COL24A1: variants seen among roughly 807,000 people sequenced by gnomAD.
The protein encoded by COL24A1 is collagen type XXIV alpha 1 chain.
In COL24A1, 224 loss-of-function variants were observed where a neutral mutation model predicts 253.9. That is an observed-to-expected ratio of 0.88 (90% CI 0.79 to 0.99). The LOEUF (loss-of-function observed/expected upper bound fraction) is 0.99, where lower values mean the gene tolerates loss of function less well. COL24A1 is among the 50% of genes least tolerant of loss of function. The probability of loss-of-function intolerance (pLI) is 0.00; values close to 1 mark genes in which losing one functional copy is unlikely to be tolerated. For synonymous variants in COL24A1, 685 were observed against 673.7 expected (o/e 1.02, Z -0.26); for missense variants, 2,131 against 2,068.5 (o/e 1.03, Z -0.59).
chr1:85,778,534 A>G (rs1180270009), intron 52 of COL24A1, among the ~76,000 whole-genome samples: 1 of 152,062 alleles, frequency 6.6e-6, no homozygotes, highest in Non-Finnish European at 1.5e-5. Flanking sequence ...AAGTATTCAA[A>G]TATACTTTCT....
chr1:85,744,840 A>G lies in COL24A1; in HGVS notation c.4504-6T>C. The G allele has an allele frequency of 3.7e-6, 6 of 1,605,074 alleles. No individual in the cohort carries two copies. The highest frequency in any genetic ancestry group is 5.1e-6 in the Non-Finnish European group (6 of 1,176,596). ...ACTTCAGTATTCTGGTAGCTCTGCCAAGTCATCATAAGAATTATATAAGCA... is the reference window on the plus strand; with the variant it reads ...ACTTCAGTATTCTGGTAGCTCTGCCGAGTCATCATAAGAATTATATAAGCA... On this transcript the variant is annotated splice_region_variant and splice_polypyrimidine_tract_variant and intron_variant, in intron 56 of 59. Coordinates refer to ENST00000370571, the MANE Select transcript of COL24A1 (RefSeq NM_152890.7).
In COL24A1 at chr1:85,936,755, C is replaced by A. The variant is rs1255598898; in HGVS notation, c.2562+24494G>T. ...TGGTGGAAAAATAAGTTATGCAAAG[C>A]CTATGTTAAGCCTTGATGGGAAGAT... On this transcript the variant is annotated intron_variant, in intron 24 of 59. Coordinates refer to ENST00000370571, the MANE Select transcript of COL24A1 (RefSeq NM_152890.7). 1.4e-5 allele frequency among the ~76,000 whole-genome samples: 2 copies of A among 146,882 alleles called. 1 individual carries two copies. Among genetic ancestry groups the A allele is most frequent in the East Asian group, 4.3e-4 (2 of 4,660 alleles).
In COL24A1 at chr1:85,975,871, GAGA is replaced by G. The variant is rs1205226630; in HGVS notation, c.2365-4481_2365-4479del. ...GGGACCCTGAAAACCCAGATTACAG[GAGA>G]AGGATTTAACCTTACCTAGAGCTGA... On this transcript the variant is annotated intron_variant, in intron 20 of 59. Coordinates refer to ENST00000370571, the MANE Select transcript of COL24A1 (RefSeq NM_152890.7). Among the ~76,000 whole-genome samples the G allele has an allele frequency of 4.6e-5, 7 of 152,282 alleles. No individual in the cohort carries two copies. In the East Asian group the frequency reaches 1.2e-3, roughly 25 times the overall value.
chr1:85,860,695 C>T (rs573776519), intron 37 of COL24A1, among the ~76,000 whole-genome samples: 27 of 152,244 alleles, frequency 1.8e-4, no homozygotes, highest in African/African-American at 6.3e-4. Context: ...GAGCCAAGAT[C>T]GTGCCACTGC....
chr1:85,900,774 C>T (rs1571145530), intron 28 of COL24A1, among the ~76,000 whole-genome samples: 1 of 152,180 alleles, frequency 6.6e-6, no homozygotes, highest in Non-Finnish European at 1.5e-5. Flanking sequence ...TTATAGCCAG[C>T]TGATTTTTGA....
Position 86,125,225 on chromosome 1 carries a change from G to C in COL24A1, c.1111C>G (p.Leu371Val). The change falls in exon 3 of 60, where the codon CTA becomes GTA. Residue 371 changes from leucine (L) to valine (V), a missense_variant. Leu to Val is a conservative substitution (Grantham distance 32). Coordinates refer to ENST00000370571, the MANE Select transcript of COL24A1 (RefSeq NM_152890.7). ...MNTKEKFSSL[L>V]NMSDNITQHD... ...TGTGTGATATTGTCAGACATGTTTA[G>C]GAGAGAGCTAAATTTCTCTTTGGTA... 1 of 1,613,498 alleles carries C rather than the reference G, an allele frequency of 6.2e-7. No individual in the cohort carries two copies. The highest frequency in any genetic ancestry group is 8.5e-7 in the Non-Finnish European group (1 of 1,179,742).
intron 22 of COL24A1, among the ~76,000 whole-genome samples, chr1:85,968,437 AC>A (rs1395566967): frequency 6.6e-6 from 1 of 152,214 alleles, no homozygotes; most frequent in Non-Finnish European, 1.5e-5. Context: ...TTAGCCACTT[AC>A]AACTATATTT....
chr1:86,052,226 A>T (rs997698090), intron 10 of COL24A1, among the ~76,000 whole-genome samples: 3 of 152,138 alleles, frequency 2.0e-5, no homozygotes, highest in Admixed American at 2.0e-4. Context: ...CAGAGTAAAT[A>T]CTTCCATAAT....
chr1:86,148,980 T>C (rs1251315574), intron 1 of COL24A1, among the ~76,000 whole-genome samples: 1 of 152,110 alleles, frequency 6.6e-6, no homozygotes, highest in Non-Finnish European at 1.5e-5. Flanking sequence ...TGTAAAAGTG[T>C]TCCTATTTCT....
At chr1:85,941,420 T>G (rs537905987) in intron 24 of COL24A1, among the ~76,000 whole-genome samples, 1 of 152,234 alleles carries the variant, frequency 6.6e-6, no homozygotes, top group East Asian at 1.9e-4. Context: ...GAATTCCAGC[T>G]TAGATCTTCA....
At chr1:86,011,553 C>T (rs928564482) in intron 19 of COL24A1, among the ~76,000 whole-genome samples, 4 of 152,214 alleles carry the variant, frequency 2.6e-5, no homozygotes, top group Admixed American at 2.0e-4. Flanking sequence ...CACATTCACC[C>T]TGTACTGCAA....
intron 31 of COL24A1, 88 bp from the exon 32 acceptor site, chr1:85,889,701 T>G: frequency 1.3e-5 from 14 of 1,103,798 alleles, no homozygotes; most frequent in Non-Finnish European, 1.8e-5. Context: ...CTATGGATCC[T>G]TCCACCCAAC....
intron 25 of COL24A1, among the ~76,000 whole-genome samples, chr1:85,911,160 T>C (rs1685323630): frequency 6.6e-6 from 1 of 152,022 alleles, no homozygotes; most frequent in Non-Finnish European, 1.5e-5. Context: ...ATCTTTTCTC[T>C]TCAGATCACA....
chr1:86,039,059 G>A (rs754552167), intron 12 of COL24A1, among the ~76,000 whole-genome samples: 12 of 152,130 alleles, frequency 7.9e-5, no homozygotes, highest in Non-Finnish European at 1.6e-4. Flanking sequence ...AAGAGTGACT[G>A]TCTAGGATTA....
intron 7 of COL24A1, among the ~76,000 whole-genome samples, chr1:86,066,040 G>C (rs1701451319): frequency 6.6e-6 from 1 of 152,024 alleles, no homozygotes; most frequent in Non-Finnish European, 1.5e-5. Context: ...AAGTAGATAA[G>C]CACTGGTAGA....
intron 3 of COL24A1, among the ~76,000 whole-genome samples, chr1:86,123,183 G>C (rs1322113409): frequency 6.6e-6 from 1 of 151,792 alleles, no homozygotes. Context: ...ATAAATGATA[G>C]CTATTATGCT....
intron 52 of COL24A1, among the ~76,000 whole-genome samples, chr1:85,780,535 C>G (rs1156301489): frequency 3.9e-5 from 6 of 152,074 alleles, no homozygotes; most frequent in Admixed American, 3.9e-4. Context: ...CCAGACACAG[C>G]TTGAATGGAG....
At chr1:85,829,340 C>G (rs1299062982) in intron 43 of COL24A1, among the ~76,000 whole-genome samples, 1 of 150,304 alleles carries the variant, frequency 6.7e-6, no homozygotes, top group Non-Finnish European at 1.5e-5. Flanking sequence ...ACCTTTCTCT[C>G]TGGCTGCCCT....
chr1:85,895,222 GA>G (rs1490666332), intron 31 of COL24A1, among the ~76,000 whole-genome samples: 3 of 151,664 alleles, frequency 2.0e-5, no homozygotes, highest in Admixed American at 6.6e-5. Flanking sequence ...GCCTCTCAGG[GA>G]AAAAAATGTA....
Sources: allele counts gnomAD v4.1 joint callset (sites outside exome capture counted in the v4.1 genomes callset), GRCh38; gene constraint gnomAD v4.1.1; transcripts MANE v1.5; gene names NCBI Gene and HGNC (gene_info 2026-07-23, HGNC 2026-07-21).